The following MGAT4C variants were observed in gnomAD, a reference collection of about 807,000 sequenced individuals.
MGAT4C encodes alpha-1,3-mannosyl-glycoprotein 4-beta-N-acetylglucosaminyltransferase C.
A neutral mutation model predicts 40.1 loss-of-function variants in MGAT4C; 19 were observed. The ratio of observed to expected loss-of-function variants is 0.47; its 90% CI spans 0.33 to 0.70. MGAT4C has a LOEUF of 0.70. MGAT4C is among the 30% of genes least tolerant of loss of function. The probability of loss-of-function intolerance (pLI) is 0.02; values close to 1 mark genes in which losing one functional copy is unlikely to be tolerated. For synonymous variants in MGAT4C, 181 were observed against 187.1 expected (o/e 0.97, Z 0.27); for missense variants, 491 against 563.2 (o/e 0.87, Z 1.30).
At chr12:86,349,184 C>A (rs1955105157) in intron 3 of MGAT4C, among the ~76,000 whole-genome samples, 1 of 152,138 alleles carries the variant, frequency 6.6e-6, no homozygotes, top group Non-Finnish European at 1.5e-5. Flanking sequence ...GATATATTTT[C>A]ACTCATAATG....
At chr12:86,293,235 A>G (rs982495901) in intron 4 of MGAT4C, among the ~76,000 whole-genome samples, 1 of 152,098 alleles carries the variant, frequency 6.6e-6, no homozygotes, top group Non-Finnish European at 1.5e-5. Flanking sequence ...CAGTGTGTAC[A>G]TGGGGTTAAA....
At chr12:86,768,937 C>A (rs1158301930) in intron 1 of MGAT4C, among the ~76,000 whole-genome samples, 1 of 151,966 alleles carries the variant, frequency 6.6e-6, no homozygotes, top group Non-Finnish European at 1.5e-5. Context: ...CTAGGCATTA[C>A]CATGCAGGAC....
At chr12:86,432,440 A>C (rs1417051824) in intron 3 of MGAT4C, among the ~76,000 whole-genome samples, 1 of 152,012 alleles carries the variant, frequency 6.6e-6, no homozygotes, top group African/African-American at 2.4e-5. Flanking sequence ...TCATGGAGAA[A>C]ATAGAGCTAA....
chr12:86,620,990 C>G (rs915999714), intron 2 of MGAT4C, among the ~76,000 whole-genome samples: 2 of 152,052 alleles, frequency 1.3e-5, no homozygotes, highest in African/African-American at 4.8e-5. Context: ...TTAAATATAG[C>G]TTCTTTATAA....
At chr12:86,310,617 G>A (rs1387327884) in intron 4 of MGAT4C, among the ~76,000 whole-genome samples, 1 of 152,086 alleles carries the variant, frequency 6.6e-6, no homozygotes, top group East Asian at 1.9e-4. Flanking sequence ...CAGACTGCAT[G>A]CTTACTATTA....
intron 1 of MGAT4C, among the ~76,000 whole-genome samples, chr12:86,068,922 G>A (rs945970447): frequency 6.6e-6 from 1 of 152,104 alleles, no homozygotes; most frequent in African/African-American, 2.4e-5. Context: ...CCCTCTGTAA[G>A]AGTTGGTTGA....
chr12:86,826,237 C>A (rs1343495251), intron 1 of MGAT4C, among the ~76,000 whole-genome samples: 1 of 151,428 alleles, frequency 6.6e-6, no homozygotes, highest in Non-Finnish European at 1.5e-5. Flanking sequence ...TGTTATGTGA[C>A]TCCCCAGTAT....
intron 3 of MGAT4C, among the ~76,000 whole-genome samples, chr12:86,383,549 C>CA (rs1159593477): frequency 0.63 from 31,116 of 49,776 alleles, 11,850 homozygotes; most frequent in East Asian, 0.75. Context: ...CACTTCGTCT[C>CA]AAAAAAAAAA....
chr12:86,739,355 T>G (rs1951031727), intron 1 of MGAT4C, among the ~76,000 whole-genome samples: 1 of 150,818 alleles, frequency 6.6e-6, no homozygotes, highest in East Asian at 1.9e-4. Flanking sequence ...TTATTCAACT[T>G]TAAAATTTAT....
chr12:86,610,561 GT>G (rs62949460), intron 2 of MGAT4C, among the ~76,000 whole-genome samples: 1 of 149,758 alleles, frequency 6.7e-6, no homozygotes, highest in East Asian at 2.0e-4. Context: ...TTTGTTTTTT[GT>G]TTTTTTTTCA....
At chr12:86,692,657 T>G (rs562855837) in intron 2 of MGAT4C, among the ~76,000 whole-genome samples, 2 of 152,244 alleles carry the variant, frequency 1.3e-5, no homozygotes, top group South Asian at 2.1e-4. Flanking sequence ...CATACCAAGA[T>G]TTACTATTAA....
At chr12:86,443,617 G>A (rs1957276134) in intron 2 of MGAT4C, among the ~76,000 whole-genome samples, 1 of 152,056 alleles carries the variant, frequency 6.6e-6, no homozygotes, top group South Asian at 2.1e-4. Flanking sequence ...TGTTTGAGAC[G>A]GAGTCTCGCT....
At chr12:86,451,243 G>A (rs1294546637) in intron 2 of MGAT4C, among the ~76,000 whole-genome samples, 1 of 151,998 alleles carries the variant, frequency 6.6e-6, no homozygotes, top group Non-Finnish European at 1.5e-5. Flanking sequence ...CCCTCTTGCT[G>A]TCTCACTCCT....
At chr12:86,050,735 T>C (rs889873910) in intron 1 of MGAT4C, among the ~76,000 whole-genome samples, 2 of 152,014 alleles carry the variant, frequency 1.3e-5, no homozygotes, top group Admixed American at 6.6e-5. Context: ...AATTTCCACA[T>C]TTTTCCTCTT....
In MGAT4C at chr12:86,493,625, C is replaced by T. The variant is rs1958180212; in HGVS notation, c.-228-58360G>A. 2.7e-5 allele frequency among the ~76,000 whole-genome samples: 4 copies of T among 147,478 alleles called. No individual in the cohort carries two copies. In the South Asian group the frequency reaches 8.7e-4, roughly 32 times the overall value. On this transcript the variant is annotated intron_variant, in intron 2 of 7. Coordinates refer to the MGAT4C transcript ENST00000548651. ...GAACACATGGACACAGGAAGGGGAA[C>T]ATCACACTCTGGGGACTGTCGTGGG...
intron 2 of MGAT4C, among the ~76,000 whole-genome samples, chr12:86,654,138 C>G (rs1006308453): frequency 2.0e-5 from 3 of 151,826 alleles, no homozygotes; most frequent in African/African-American, 7.2e-5. Flanking sequence ...GATGAACAAG[C>G]CTTATGGCTT....
At chr12:86,558,125 A>T (rs1959696348) in intron 2 of MGAT4C, among the ~76,000 whole-genome samples, 1 of 152,090 alleles carries the variant, frequency 6.6e-6, no homozygotes, top group Non-Finnish European at 1.5e-5. Flanking sequence ...TCACAAAAAA[A>T]TTCTGAACTT....
At position 86,295,835 on chromosome 12, in the gene MGAT4C, C is replaced by A. The variant is rs954601669; in HGVS notation, c.-57+38230G>T. On this transcript the variant is annotated intron_variant, in intron 4 of 7. Transcript: ENST00000548651. ...TACAGAGTGTGGATTGGTGCATTCA[C>A]AAACCTTGAGCTAAACACAGGGTGC... Among the ~76,000 whole-genome samples, 15 of 152,188 alleles carry A rather than the reference C, an allele frequency of 9.9e-5. No homozygotes were observed. The East Asian group carries it at 2.9e-3, about 30-fold the overall frequency.
At chr12:86,605,692 T>G (rs776062930) in intron 2 of MGAT4C, among the ~76,000 whole-genome samples, 33 of 152,274 alleles carry the variant, frequency 2.2e-4, no homozygotes, top group Non-Finnish European at 3.8e-4. Flanking sequence ...CTCTGACCAC[T>G]TGGAAGATTT....
Sources: allele counts gnomAD v4.1 joint callset (sites outside exome capture counted in the v4.1 genomes callset), GRCh38; gene constraint gnomAD v4.1.1; transcripts MANE v1.5; gene names NCBI Gene and HGNC (gene_info 2026-07-23, HGNC 2026-07-21).